The following LDAH variants were observed in gnomAD, a reference collection of about 807,000 sequenced individuals.
LDAH encodes the protein lipid droplet-associated hydrolase.
Under a neutral mutation model 29.6 loss-of-function variants are expected in LDAH, and 26 were observed. The ratio of observed to expected loss-of-function variants is 0.88; its 90% CI spans 0.64 to 1.22. The LOEUF (loss-of-function observed/expected upper bound fraction) is 1.22, where lower values mean the gene tolerates loss of function less well. LDAH is among the 50% of genes most tolerant of loss of function. The probability of loss-of-function intolerance (pLI) is 0.00; values close to 1 mark genes in which losing one functional copy is unlikely to be tolerated. For synonymous variants in LDAH, 117 were observed against 133.0 expected (o/e 0.88, Z 0.83); for missense variants, 344 against 387.3 (o/e 0.89, Z 0.94).
chr2:20,745,240 A>G (rs1209190418), intron 4 of LDAH, among the ~76,000 whole-genome samples: 2 of 152,208 alleles, frequency 1.3e-5, no homozygotes, highest in African/African-American at 4.8e-5. Flanking sequence ...AGAGTTTTCC[A>G]AAGTAGTTCT....
At chr2:20,729,825 T>C (rs1033382178) in intron 5 of LDAH, among the ~76,000 whole-genome samples, 2 of 152,186 alleles carry the variant, frequency 1.3e-5, no homozygotes, top group African/African-American at 4.8e-5. Context: ...AGACAGGGTC[T>C]TCCTCTGTTG....
intron 3 of LDAH, among the ~76,000 whole-genome samples, chr2:20,780,996 T>G (rs1670156445): frequency 6.6e-6 from 1 of 152,186 alleles, no homozygotes; most frequent in Admixed American, 6.5e-5. Flanking sequence ...GAGAGTAGTT[T>G]ATTGTTTCTT....
chr2:20,780,891 C>T (rs1042588982), intron 3 of LDAH, among the ~76,000 whole-genome samples: 1 of 152,124 alleles, frequency 6.6e-6, no homozygotes, highest in Non-Finnish European at 1.5e-5. Flanking sequence ...TCTAGTCATT[C>T]CATCTTACCT....
intron 4 of LDAH, among the ~76,000 whole-genome samples, chr2:20,767,654 G>C (rs556330091): frequency 2.3e-4 from 35 of 152,294 alleles, no homozygotes; most frequent in African/African-American, 8.4e-4. Context: ...CCACCTGCAG[G>C]CCAGGGAGGG....
At chr2:20,789,954 C>T (rs949682073) in intron 3 of LDAH, among the ~76,000 whole-genome samples, 3 of 152,092 alleles carry the variant, frequency 2.0e-5, no homozygotes, top group African/African-American at 7.2e-5. Context: ...TGCTTTTTCC[C>T]CACCATTCCT....
intron 3 of LDAH, among the ~76,000 whole-genome samples, chr2:20,779,800 TA>T (rs112858027): frequency 4.6e-5 from 7 of 151,968 alleles, no homozygotes; most frequent in Admixed American, 4.6e-4. Flanking sequence ...AAAATAAATT[TA>T]AAAAAAAGAA....
At chr2:20,699,732 C>T (rs1318859403) in intron 6 of LDAH, among the ~76,000 whole-genome samples, 1 of 152,136 alleles carries the variant, frequency 6.6e-6, no homozygotes, top group Non-Finnish European at 1.5e-5. Flanking sequence ...TTAATACTAA[C>T]CTTGAAATGT....
chr2:20,755,385 A>T (rs913326554), intron 4 of LDAH, among the ~76,000 whole-genome samples: 8 of 152,118 alleles, frequency 5.3e-5, no homozygotes, highest in Non-Finnish European at 8.8e-5. Flanking sequence ...CACTCTTTAT[A>T]TCAAGGCAGT....
intron 1 of LDAH, among the ~76,000 whole-genome samples, chr2:20,816,095 T>C (rs977081260): frequency 3.3e-5 from 5 of 152,046 alleles, no homozygotes; most frequent in African/African-American, 1.2e-4. Flanking sequence ...TCTATTGTTA[T>C]ACCCAAAGCA....
chr2:20,775,389 T>C (rs948342446), intron 3 of LDAH, among the ~76,000 whole-genome samples: 1 of 152,142 alleles, frequency 6.6e-6, no homozygotes, highest in African/African-American at 2.4e-5. Flanking sequence ...TAAAACATAT[T>C]GCTGGGCTCC....
chr2:20,683,758 A>G (rs560042678), downstream of LDAH, among the ~76,000 whole-genome samples: 1 of 152,188 alleles, frequency 6.6e-6, no homozygotes, highest in South Asian at 2.1e-4. Flanking sequence ...AAAAGGAAAA[A>G]CAAGTTTGCT....
In LDAH at chr2:20,685,775, A is replaced by G. The variant is rs1662517947; in HGVS notation, c.*1128T>C. The G allele has an allele frequency of 8.0e-7, 1 of 1,248,306 alleles. No individual in the cohort carries two copies. The highest frequency in any genetic ancestry group is 2.6e-5 in the Admixed American group (1 of 38,562). 77.3% of individuals were successfully genotyped at this position (1,248,306 alleles called of 1,614,324 possible). The stretch of plus-strand genomic sequence containing the variant: ...TTGTCAGCCCACTCTAGGCCAGGGA[A>G]TATGTGTCTTCTCTGCCATACCTCA... On this transcript the variant is annotated 3_prime_UTR_variant, in exon 7 of 7. Coordinates refer to ENST00000237822, the MANE Select transcript of LDAH (RefSeq NM_021925.4).
rs546872003 is a variant in LDAH at position 20,801,540 on chromosome 2, T to C, written c.-2-75A>G. 403 of 1,285,944 alleles carry C rather than the reference T, an allele frequency of 3.1e-4. 3 individuals are homozygous for C. In the South Asian group the frequency reaches 5.1e-3, roughly 16 times the overall value. The allele number at this position is 1,285,944 out of a possible 1,614,324, so 79.7% of individuals were successfully genotyped here. ...TTGAGCCAAAGACAAAATTCAAGAA[T>C]AAAAAAGGGCAAGTTTCAATATACC... On this transcript the variant is annotated intron_variant, in intron 1 of 6. Transcript: ENST00000237822.
intron 6 of LDAH, among the ~76,000 whole-genome samples, chr2:20,696,818 A>G (rs1324387869): frequency 2.0e-5 from 3 of 152,088 alleles, no homozygotes; most frequent in African/African-American, 7.2e-5. Context: ...GGGTGGCGAA[A>G]ACGCACAGTT....
chr2:20,811,201 G>C (rs961865290), intron 1 of LDAH, among the ~76,000 whole-genome samples: 7 of 151,808 alleles, frequency 4.6e-5, no homozygotes, highest in Non-Finnish European at 8.8e-5. Flanking sequence ...TGTATTTTTA[G>C]TAGAGACGGG....
At chr2:20,778,907 T>A (rs891572582) in intron 3 of LDAH, among the ~76,000 whole-genome samples, 1 of 145,716 alleles carries the variant, frequency 6.9e-6, no homozygotes, top group Non-Finnish European at 1.5e-5. Flanking sequence ...TTTAACTACA[T>A]ATTTAACTGC....
chr2:20,766,279 C>T lies in LDAH; in HGVS notation c.468+8531G>A, dbSNP rs151150647. Among the ~76,000 whole-genome samples the T allele has an allele frequency of 3.4e-3, 513 of 152,278 alleles. 4 individuals are homozygous for T. The highest frequency in any genetic ancestry group is 5.4e-3 in the Non-Finnish European group (367 of 68,028). ...TTGGTCACAAACAGACGCTTCCATT[C>T]TCTGGGGAGGACTGTACTTCACAGC... is the stretch of plus-strand genomic sequence containing the variant. On this transcript the variant is annotated intron_variant, in intron 4 of 6. Transcript: ENST00000237822.
At chr2:20,776,998 T>C (rs1669866398) in intron 3 of LDAH, among the ~76,000 whole-genome samples, 1 of 152,168 alleles carries the variant, frequency 6.6e-6, no homozygotes, top group African/African-American at 2.4e-5. Flanking sequence ...TAGGCTTCAG[T>C]TTCCTCATAC....
At chr2:20,759,609 T>C (rs984752424) in intron 4 of LDAH, among the ~76,000 whole-genome samples, 3 of 152,190 alleles carry the variant, frequency 2.0e-5, no homozygotes, top group African/African-American at 7.2e-5. Context: ...AAGATCACAA[T>C]CATACTTCTC....
Sources: allele counts gnomAD v4.1 joint callset (sites outside exome capture counted in the v4.1 genomes callset), GRCh38; gene constraint gnomAD v4.1.1; transcripts MANE v1.5; gene names NCBI Gene and HGNC (gene_info 2026-07-23, HGNC 2026-07-21).